Variants in HERC1 observed in about 807,000 individuals in gnomAD.
HERC1 encodes the protein HECT and RLD domain containing E3 ubiquitin protein ligase family member 1.
HERC1 carries 160 observed loss-of-function variants against 554.3 expected under a neutral mutation model. The ratio of observed to expected loss-of-function variants is 0.29; its 90% confidence interval spans 0.25 to 0.33. The LOEUF is 0.33. Ranked by LOEUF, HERC1 falls within the 10% of genes least tolerant of loss-of-function variation. HERC1 has a pLI of 1.00. For synonymous variants in HERC1, 2,175 were observed against 2,131.7 expected (o/e 1.02, Z -0.56); for missense variants, 4,919 against 5,918.5 (o/e 0.83, Z 5.54).
intron 12 of HERC1, among the ~76,000 whole-genome samples, chr15:63,737,175 A>C (rs1037654071): frequency 6.6e-6 from 1 of 151,514 alleles, no homozygotes; most frequent in Admixed American, 6.6e-5. Flanking sequence ...AAGGGCTAGA[A>C]TATAGAATTA....
At chr15:63,691,725 G>A (rs551442659) in intron 31 of HERC1, among the ~76,000 whole-genome samples, 4 of 151,962 alleles carry the variant, frequency 2.6e-5, no homozygotes, top group East Asian at 3.9e-4. Flanking sequence ...ACCATGTGCC[G>A]TAGAGGATTA....
chr15:63,613,955 C>A (rs949171721), intron 76 of HERC1, among the ~76,000 whole-genome samples: 2 of 152,150 alleles, frequency 1.3e-5, no homozygotes, highest in Non-Finnish European at 2.9e-5. Context: ...CAAAAACGAA[C>A]AAGCTGTTAT....
rs1343276297 is a variant in HERC1, at chr15:63,692,622, A to G, written c.5675-56T>C. ...CCAAGAGCCAACAAGAAATAGTCTT[A>G]TATCACATAATTTACCTTGAAACTG... is the stretch of plus-strand genomic sequence containing the variant. On this transcript the variant is annotated intron_variant, in intron 30 of 77. Transcript: ENST00000443617. This position sits in a 1 kb window ranked among gnomAD's most constrained non-coding sequence, Gnocchi z 4.7. 2 of 1,417,526 alleles carry G rather than the reference A, an allele frequency of 1.4e-6. No individual in the cohort carries two copies. Among genetic ancestry groups the G allele is most frequent in the Non-Finnish European group, 1.9e-6 (2 of 1,059,810 alleles). 87.8% of individuals were successfully genotyped at this position (1,417,526 alleles called of 1,614,324 possible).
intron 74 of HERC1, among the ~76,000 whole-genome samples, chr15:63,620,613 T>C (rs1275921151): frequency 6.6e-6 from 1 of 152,112 alleles, no homozygotes; most frequent in Non-Finnish European, 1.5e-5. Flanking sequence ...CTCCCATTAT[T>C]ATTGTGTGGG....
At chr15:63,821,526 A>G (rs2077691852) in intron 1 of HERC1, among the ~76,000 whole-genome samples, 1 of 148,282 alleles carries the variant, frequency 6.7e-6, no homozygotes, top group East Asian at 2.0e-4. Flanking sequence ...ACTGCACTCC[A>G]GCCTGGTAAC....
At chr15:63,630,873 G>A (rs761458741) in intron 68 of HERC1, among the ~76,000 whole-genome samples, 50 of 152,324 alleles carry the variant, frequency 3.3e-4, no homozygotes, top group Admixed American at 1.8e-3. Flanking sequence ...TTTTTAAAAA[G>A]TTGTATCTAA....
intron 18 of HERC1, among the ~76,000 whole-genome samples, chr15:63,723,622 T>C (rs2073914868): frequency 6.6e-6 from 1 of 152,202 alleles, no homozygotes; most frequent in Non-Finnish European, 1.5e-5. Flanking sequence ...CTCTGAGCTA[T>C]ACCCTACAAC....
At chr15:63,729,472 C>T (rs780094418) in intron 15 of HERC1, 25 bp downstream of exon 15, 1 of 1,608,602 alleles carries the variant, frequency 6.2e-7, no homozygotes, top group South Asian at 1.1e-5. Flanking sequence ...TGATAGATCA[C>T]CATAAAAGAC....
At position 63,640,298 on chromosome 15, in the gene HERC1, A is replaced by T; in HGVS notation, c.11755T>A (p.Trp3919Arg). The change falls in exon 61 of 78, where the codon TGG (tryptophan) becomes AGG (arginine). Residue 3919 changes from tryptophan to arginine, a missense_variant. Physicochemically the swap from Trp to Arg is moderately radical, Grantham distance 101. Around this residue, in one of 11 missense-constraint regions of HERC1, gnomAD observed 1,963 missense variants for 2,228.6 expected, o/e 0.88. Coordinates refer to ENST00000443617, the MANE Select transcript of HERC1 (RefSeq NM_003922.4). ...AACCAGGCCCATTCATTTGGATTCC[A>T]GGATGCAGGGTCAGGGAGACAGTTC... is the stretch of plus-strand genomic sequence containing the variant. ...HQNCLPDPAS[W>R]NPNEWAWLEC... 1 of 1,613,924 alleles carries T rather than the reference A, an allele frequency of 6.2e-7. No homozygotes were observed.
At chr15:63,613,955 C>T (rs949171721) in intron 76 of HERC1, among the ~76,000 whole-genome samples, 1 of 152,150 alleles carries the variant, frequency 6.6e-6, no homozygotes, top group Non-Finnish European at 1.5e-5. Context: ...CAAAAACGAA[C>T]AAGCTGTTAT....
At chr15:63,784,958 G>A (rs981465351) in intron 1 of HERC1, among the ~76,000 whole-genome samples, 2 of 152,066 alleles carry the variant, frequency 1.3e-5, no homozygotes, top group African/African-American at 2.4e-5. Context: ...TCCAAAACAA[G>A]GCAAAACCTA....
chr15:63,753,861 G>A (rs1429360401), intron 7 of HERC1, among the ~76,000 whole-genome samples: 1 of 152,122 alleles, frequency 6.6e-6, no homozygotes, highest in African/African-American at 2.4e-5. Flanking sequence ...ATGATGTAGA[G>A]TCATGCTTGT....
intron 14 of HERC1, among the ~76,000 whole-genome samples, chr15:63,730,004 C>T (rs746209914): frequency 5.7e-5 from 7 of 121,812 alleles, no homozygotes; most frequent in Admixed American, 2.1e-4. Context: ...CCAGCCTGGG[C>T]GACAAGAGTG....
chr15:63,663,325 A>G, intron 43 of HERC1, 121 bp from the exon 44 acceptor site: 2 of 790,370 alleles, frequency 2.5e-6, no homozygotes, highest in Admixed American at 4.8e-5. Context: ...ATTGGATCTC[A>G]GACCATAAAA....
chr15:63,688,435 A>G (rs199840935), intron 33 of HERC1, among the ~76,000 whole-genome samples: 2 of 152,224 alleles, frequency 1.3e-5, no homozygotes, highest in Non-Finnish European at 2.9e-5. Flanking sequence ...AGATGGGAAT[A>G]TAAGTCTAGA....
In HERC1 at chr15:63,774,626, C is replaced by T. The variant is rs1453512811; in HGVS notation, c.930+68G>A. The T allele has an allele frequency of 1.2e-5, 14 of 1,120,738 alleles. No homozygotes were observed. In the South Asian group the frequency reaches 1.9e-4, roughly 16 times the overall value. 69.4% of individuals were successfully genotyped at this position (1,120,738 alleles called of 1,614,324 possible). On this transcript the variant is annotated intron_variant, in intron 2 of 77. Coordinates refer to ENST00000443617, the MANE Select transcript of HERC1 (RefSeq NM_003922.4). ...AAATCATTCACTATTACCACCAATT[C>T]ATTAAAAACTGCATTGACTTTTCCA...
At chr15:63,706,030 CAAAAAAAA>C (rs35213471) in intron 25 of HERC1, among the ~76,000 whole-genome samples, 1 of 46,812 alleles carries the variant, frequency 2.1e-5, no homozygotes, top group Non-Finnish European at 3.8e-5. Context: ...ACCCTGTCTC[CAAAAAAAA>C]AAAAAAAAAA....
chr15:63,667,413 A>T (rs990664274), intron 40 of HERC1, among the ~76,000 whole-genome samples: 3 of 152,198 alleles, frequency 2.0e-5, no homozygotes, highest in Non-Finnish European at 1.5e-5. Flanking sequence ...ACGGAAGATG[A>T]GATTAAAAAA....
chr15:63,758,365 C>G lies in HERC1; in HGVS notation c.1031G>C (p.Cys344Ser). ...EAALCLFEEVCRMASDYSRTC... is the reference protein window; with the variant it reads ...EAALCLFEEVSRMASDYSRTC... ...TCTCGAATAATCAGAAGCCATTCTG[C>G]AAACCTATTAAAAATTTAAAATATG... The change falls in exon 4 of 78, where the codon TGC becomes TCC. Residue 344 changes from cysteine (C) to serine (S), a missense_variant. By Grantham distance (112) the Cys-to-Ser change is moderately radical. Around this residue, in one of 11 missense-constraint regions of HERC1, gnomAD observed 744 missense variants for 1,090.0 expected, o/e 0.68. Coordinates refer to ENST00000443617, the MANE Select transcript of HERC1 (RefSeq NM_003922.4). The surrounding 1 kb of genome is among the most constrained non-coding windows in gnomAD (Gnocchi z 4.0). The G allele has an allele frequency of 6.3e-7, 1 of 1,577,074 alleles. No homozygotes were observed.
Sources: allele counts gnomAD v4.1 joint callset (sites outside exome capture counted in the v4.1 genomes callset), GRCh38; gene constraint gnomAD v4.1.1; regional missense constraint gnomAD v4.1.1; non-coding constraint Gnocchi (gnomAD v3.1); transcripts MANE v1.5; gene names NCBI Gene and HGNC (gene_info 2026-07-23, HGNC 2026-07-21).